ZC3H6: variants seen among roughly 807,000 people sequenced by gnomAD.
ZC3H6 encodes the protein zinc finger CCCH-type containing 6.
A neutral mutation model predicts 107.7 loss-of-function variants in ZC3H6; 40 were observed. The ratio of observed to expected loss-of-function variants is 0.37; its 90% CI spans 0.29 to 0.48. The LOEUF (loss-of-function observed/expected upper bound fraction) is 0.48. Among genes scored for constraint, ZC3H6 ranks in the 20% least tolerant of loss-of-function variants. The pLI is 0.98. For synonymous variants in ZC3H6, 493 were observed against 487.9 expected, an observed-to-expected ratio of 1.01 and a Z score of -0.14; for missense variants, 1,267 against 1,410.4, an observed-to-expected ratio of 0.90 and a Z score of 1.63.
intron 7 of ZC3H6, 42 bp from the exon 8 acceptor site, chr2:112,321,714 A>G: frequency 2.5e-6 from 3 of 1,212,604 alleles, no homozygotes; most frequent in Non-Finnish European, 3.4e-6. Flanking sequence ...AAAAAATTAG[A>G]CCTTGATTTT....
chr2:112,291,254 AAC>A (rs1355023626), intron 1 of ZC3H6, among the ~76,000 whole-genome samples: 30 of 151,374 alleles, frequency 2.0e-4, no homozygotes, highest in African/African-American at 7.3e-4. Flanking sequence ...TTTTTTTTGG[AAC>A]AGAGTCTCAC....
At position 112,338,269 on chromosome 2, in the gene ZC3H6, A is replaced by C. The variant is rs1171167000; in HGVS notation, c.*5781A>C. 6.6e-6 allele frequency: 1 copy of C among 152,216 alleles called. No homozygotes were observed. Among genetic ancestry groups the C allele is most frequent in the African/African-American group, 2.4e-5 (1 of 41,452 alleles). 9.4% of individuals were successfully genotyped at this position (152,216 alleles called of 1,614,324 possible). A position where few individuals can be genotyped will look rare whatever the true frequency, so the allele number is the denominator to read the frequency against. On this transcript the variant is annotated 3_prime_UTR_variant, in exon 12 of 12. Coordinates refer to ENST00000409871, the MANE Select transcript of ZC3H6 (RefSeq NM_198581.3). ...CTGGCCAGTCTTTTATTTTAAAATA[A>C]ATACTTAGTCCTAACCTAGTGAATT...
chr2:112,322,427 G>C (rs1459630528), intron 8 of ZC3H6, among the ~76,000 whole-genome samples: 1 of 149,894 alleles, frequency 6.7e-6, no homozygotes, highest in Admixed American at 6.7e-5. Flanking sequence ...TGCATTTTTT[G>C]TAGAGACAGG....
At chr2:112,289,898 C>G (rs1308327299) in intron 1 of ZC3H6, among the ~76,000 whole-genome samples, 1 of 152,074 alleles carries the variant, frequency 6.6e-6, no homozygotes, top group East Asian at 1.9e-4. Context: ...GCACCTAACA[C>G]CTGGTTCATT....
chr2:112,316,002 C>G (rs2104716549), intron 5 of ZC3H6, among the ~76,000 whole-genome samples: 1 of 152,170 alleles, frequency 6.6e-6, no homozygotes, highest in South Asian at 2.1e-4. Context: ...TAGAGTGTTT[C>G]TCGTTTTGCT....
chr2:112,288,333 A>G (rs939850583), intron 1 of ZC3H6, among the ~76,000 whole-genome samples: 1 of 152,210 alleles, frequency 6.6e-6, no homozygotes, highest in African/African-American at 2.4e-5. Flanking sequence ...TTTCTGTGGA[A>G]GTACTTGTAG....
chr2:112,334,078 A>G lies in ZC3H6; in HGVS notation c.*1590A>G, dbSNP rs1233481725. 1.3e-5 allele frequency: 2 copies of G among 152,104 alleles called. No individual in the cohort carries two copies. Among genetic ancestry groups the G allele is most frequent in the African/African-American group, 4.8e-5 (2 of 41,446 alleles). The allele number at this position is 152,104 out of a possible 1,614,324, so 9.4% of individuals were successfully genotyped here. ...AAGGAGAGTTACTGAAGGGAATGTG[A>G]ATTTTTACCGTTTGTACTTAAGATA... On this transcript the variant is annotated 3_prime_UTR_variant, in exon 12 of 12. Coordinates refer to ENST00000409871, the MANE Select transcript of ZC3H6 (RefSeq NM_198581.3).
chr2:112,294,541 A>G (rs1056390066), intron 1 of ZC3H6, among the ~76,000 whole-genome samples: 3 of 152,198 alleles, frequency 2.0e-5, no homozygotes, highest in Non-Finnish European at 4.4e-5. Context: ...ACTATCATCT[A>G]TCAGGAGTAC....
chr2:112,333,161 T>G lies in ZC3H6; in HGVS notation c.*673T>G, dbSNP rs1419517438. 1 of 152,550 alleles carries G rather than the reference T, an allele frequency of 6.6e-6. No homozygotes were observed. Among genetic ancestry groups the G allele is most frequent in the African/African-American group, 2.4e-5 (1 of 41,436 alleles). The allele number at this position is 152,550 out of a possible 1,614,324, so 9.4% of individuals were successfully genotyped here. A position where few individuals can be genotyped will look rare whatever the true frequency, so the allele number is the denominator to read the frequency against. ...TTGCTAAAGTGAAAAATTTCCAAGTTCTCTAGCATAACTTTTTACATTTAA... is the reference window on the plus strand; with the variant it reads ...TTGCTAAAGTGAAAAATTTCCAAGTGCTCTAGCATAACTTTTTACATTTAA... On this transcript the variant is annotated 3_prime_UTR_variant, in exon 12 of 12. Coordinates refer to ENST00000409871, the MANE Select transcript of ZC3H6 (RefSeq NM_198581.3).
At chr2:112,285,631 T>TA (rs1159745367) in intron 1 of ZC3H6, among the ~76,000 whole-genome samples, 1 of 151,894 alleles carries the variant, frequency 6.6e-6, no homozygotes, top group Non-Finnish European at 1.5e-5. Context: ...GTGCTGGAAT[T>TA]ACAGGTGTGA....
intron 5 of ZC3H6, 30 bp from the exon 6 acceptor site, chr2:112,316,440 C>T (rs1337315566): frequency 7.5e-7 from 1 of 1,342,026 alleles, no homozygotes; most frequent in Non-Finnish European, 1.1e-6. Flanking sequence ...ATTTCATATG[C>T]TGCATTCAAA....
chr2:112,315,001 T>C (rs1259457957), intron 5 of ZC3H6, among the ~76,000 whole-genome samples: 9 of 152,218 alleles, frequency 5.9e-5, no homozygotes, highest in Non-Finnish European at 1.0e-4. Context: ...AGACATCTAT[T>C]GCCTCAATGT....
At chr2:112,298,492 A>G (rs1438151880) in intron 1 of ZC3H6, among the ~76,000 whole-genome samples, 1 of 152,260 alleles carries the variant, frequency 6.6e-6, no homozygotes, top group Non-Finnish European at 1.5e-5. Context: ...CCCTTGTGCA[A>G]AGCATCATGG....
chr2:112,325,117 T>C lies in ZC3H6; in HGVS notation c.2006T>C (p.Phe669Ser). 6.2e-7 allele frequency: 1 copy of C among 1,614,020 alleles called. No individual in the cohort carries two copies. Among genetic ancestry groups the C allele is most frequent in the Non-Finnish European group, 8.5e-7 (1 of 1,179,884 alleles). Residue 669 changes from phenylalanine to serine, a missense_variant, in exon 11 of 12, where the codon TTT becomes TCT. Phe to Ser is a radical substitution (Grantham distance 155). Coordinates refer to ENST00000409871, the MANE Select transcript of ZC3H6 (RefSeq NM_198581.3). Reference sequence around the variant, plus strand: ...CTCCCTGCAGTGCAAAGAGCTCTTTTTGTAAGACTTACTCAGAGATACCAA... The same window carrying C: ...CTCCCTGCAGTGCAAAGAGCTCTTTCTGTAAGACTTACTCAGAGATACCAA... ...GLLPAVQRAL[F>S]VRLTQRYQED...
chr2:112,282,620 C>G (rs1176835607), intron 1 of ZC3H6, among the ~76,000 whole-genome samples: 1 of 152,200 alleles, frequency 6.6e-6, no homozygotes. Flanking sequence ...CCAGAGCCCA[C>G]TCTCTTATCT....
At chr2:112,324,802 T>G (rs1676876811) in intron 10 of ZC3H6, 139 bp downstream of exon 10, 1 of 1,169,200 alleles carries the variant, frequency 8.6e-7, no homozygotes, top group Middle Eastern at 2.9e-4. Flanking sequence ...GTTTTCAGTT[T>G]GCCAAACTTT....
Position 112,289,686 on chromosome 2 carries a change from G to C in ZC3H6, c.33-10163G>C, listed in dbSNP as rs1452522571. On this transcript the variant is annotated intron_variant, in intron 1 of 11. Transcript: ENST00000409871. ...ATGAAATAGGGTGACCCATTTTCTAGCTTTATATGATTTTCTGGCTTCATA... is the reference window on the plus strand; with the variant it reads ...ATGAAATAGGGTGACCCATTTTCTACCTTTATATGATTTTCTGGCTTCATA... Among the ~76,000 whole-genome samples, 3 of 152,180 alleles carry C rather than the reference G, an allele frequency of 2.0e-5. No homozygotes were observed. In the East Asian group the frequency reaches 5.8e-4, roughly 29 times the overall value.
chr2:112,324,226 T>C lies in ZC3H6; in HGVS notation c.1415T>C (p.Ile472Thr). Residue 472 changes from isoleucine to threonine, a missense_variant, in exon 10 of 12, where the codon ATC becomes ACC. Physicochemically the swap from Ile to Thr is moderately conservative, Grantham distance 89 (BLOSUM62 -1). Transcript: ENST00000409871. ...FQGSSPHPQH[I>T]YSSGSSPGPG... ...GGAAGCAGTCCACACCCTCAACATA[T>C]CTATAGTTCTGGGTCAAGTCCAGGT... 6.2e-7 allele frequency: 1 copy of C among 1,611,330 alleles called. No homozygotes were observed. The highest frequency in any genetic ancestry group is 8.5e-7 in the Non-Finnish European group (1 of 1,177,704).
intron 5 of ZC3H6, among the ~76,000 whole-genome samples, chr2:112,312,600 C>A (rs1339390930): frequency 6.6e-6 from 1 of 152,240 alleles, no homozygotes; most frequent in Middle Eastern, 3.4e-3. Flanking sequence ...CAGTGGCTCA[C>A]GCCCGTAATC....
Sources: gnomAD v4.1 joint callset for allele counts (sites outside exome capture counted in the v4.1 genomes callset) on GRCh38, gnomAD v4.1.1 for gene constraint, MANE v1.5 for transcripts, NCBI Gene and HGNC (gene_info 2026-07-23, HGNC 2026-07-21) for gene names.